The following DCAF6 variants were observed in gnomAD, a reference collection of about 807,000 sequenced individuals.
The protein encoded by DCAF6 is DDB1- and CUL4-associated factor 6.
In DCAF6, 54 loss-of-function variants were observed where a neutral mutation model predicts 125.1. The observed-to-expected ratio is 0.43, with a 90% CI of 0.35 to 0.54. DCAF6 has a LOEUF of 0.54. Among genes scored for constraint, DCAF6 ranks in the 20% least tolerant of loss-of-function variants. DCAF6 has a pLI of 0.01. For missense variants in DCAF6, 934 were observed against 1,161.7 expected (o/e 0.80, Z 2.85); for synonymous variants, 371 against 390.4 (o/e 0.95, Z 0.58).
chr1:168,004,320 T>C (rs1372139315), intron 9 of DCAF6, among the ~76,000 whole-genome samples: 1 of 152,186 alleles, frequency 6.6e-6, no homozygotes, highest in Non-Finnish European at 1.5e-5. Flanking sequence ...ATAGGAAAGA[T>C]TGATTGCTTT....
At chr1:167,946,502 A>G (rs1673110748) in intron 1 of DCAF6, among the ~76,000 whole-genome samples, 1 of 152,140 alleles carries the variant, frequency 6.6e-6, no homozygotes, top group South Asian at 2.1e-4. Context: ...TGTTAGTTAC[A>G]GGTTTATCAT....
the DCAF6 span, among the ~76,000 whole-genome samples, chr1:167,924,145 G>A: frequency 6.6e-6 from 1 of 152,094 alleles, no homozygotes; most frequent in Admixed American, 6.6e-5. Context: ...AGTACCTTCA[G>A]TTCTCATACT....
chr1:167,874,051 G>T, the DCAF6 span, among the ~76,000 whole-genome samples: 1 of 152,188 alleles, frequency 6.6e-6, no homozygotes, highest in Non-Finnish European at 1.5e-5. Flanking sequence ...AAATGTCTGG[G>T]CTGGGCACAG....
chr1:167,880,291 G>T, the DCAF6 span: 1 of 1,182,848 alleles, frequency 8.5e-7, no homozygotes, highest in Non-Finnish European at 1.2e-6. Context: ...GGGAAAGGGT[G>T]GGAAAGGATT....
intron 17 of DCAF6, chr1:168,056,131 C>T: frequency 6.3e-7 from 1 of 1,595,928 alleles, no homozygotes; most frequent in Non-Finnish European, 8.6e-7. Context: ...CCAAACTCAT[C>T]TTGTTTGTTC....
At chr1:168,062,673 TA>T (rs1000000072) in intron 17 of DCAF6, among the ~76,000 whole-genome samples, 13 of 151,894 alleles carry the variant, frequency 8.6e-5, no homozygotes, top group Non-Finnish European at 1.6e-4. Flanking sequence ...TATGTCAAAA[TA>T]TAATATTTTA....
intron 2 of DCAF6, among the ~76,000 whole-genome samples, chr1:167,956,640 G>C (rs1318944250): frequency 6.6e-6 from 1 of 152,018 alleles, no homozygotes; most frequent in Non-Finnish European, 1.5e-5. Flanking sequence ...TTTTTTGAGT[G>C]GAAGCTGAGG....
intron 10 of DCAF6, among the ~76,000 whole-genome samples, chr1:168,015,469 A>G (rs994187742): frequency 1.9e-4 from 29 of 150,456 alleles, no homozygotes; most frequent in African/African-American, 6.6e-4. Context: ...TCCTAGTATC[A>G]TTTTGTTCTA....
chr1:168,019,636 C>A, intron 11 of DCAF6: 1 of 358,710 alleles, frequency 2.8e-6, no homozygotes, highest in Non-Finnish European at 5.9e-6. Context: ...CAGAGCCCCA[C>A]TGGAGCATGG....
the DCAF6 span, chr1:167,901,923 C>G: frequency 1.9e-6 from 3 of 1,605,640 alleles, no homozygotes; most frequent in East Asian, 6.7e-5. Context: ...CTGGCCACTC[C>G]CTTCTCTAGG....
upstream of DCAF6, chr1:167,936,682 T>C (rs1322821493): frequency 4.1e-6 from 2 of 491,088 alleles, no homozygotes; most frequent in Admixed American, 7.8e-5. Context: ...TGCTGATCTT[T>C]GGATGTTCTG....
At chr1:168,072,026 G>T (rs1282557977) in intron 21 of DCAF6, among the ~76,000 whole-genome samples, 1 of 151,664 alleles carries the variant, frequency 6.6e-6, no homozygotes, top group Non-Finnish European at 1.5e-5. Context: ...CTGGTAGTGC[G>T]GTGGCTCATG....
At chr1:168,039,661 ATAAT>A (rs1236988669) in intron 13 of DCAF6, among the ~76,000 whole-genome samples, 2 of 147,540 alleles carry the variant, frequency 1.4e-5, no homozygotes, top group Non-Finnish European at 3.0e-5. Flanking sequence ...TTAATTATTC[ATAAT>A]TAATATATTA....
At position 168,063,671 on chromosome 1, in the gene DCAF6, G is replaced by A; in HGVS notation, c.2351G>A (p.Arg784Lys). The change falls in exon 18 of 22, where the codon AGG becomes AAG. Residue 784 changes from arginine (R) to lysine (K), a missense_variant. Arg to Lys is a conservative substitution (Grantham distance 26). Transcript: ENST00000367840. ...GAGTTCTTCAGACGGAGAAAAGAAA[G>A]GAAAGAAATGGAAGAATTGGATACT... ...IQEFFRRRKE[R>K]KEMEELDTLN... 6.2e-7 allele frequency: 1 copy of A among 1,603,100 alleles called. No individual in the cohort carries two copies. The highest frequency in any genetic ancestry group is 8.5e-7 in the Non-Finnish European group (1 of 1,175,652).
the DCAF6 span, among the ~76,000 whole-genome samples, chr1:167,925,470 T>TAC: frequency 1.4e-4 from 15 of 107,770 alleles, no homozygotes; most frequent in East Asian, 2.2e-3. Flanking sequence ...TATATATATA[T>TAC]ATATACATAT....
chr1:167,929,180 G>A, the DCAF6 span, among the ~76,000 whole-genome samples: 3 of 151,600 alleles, frequency 2.0e-5, no homozygotes, highest in Non-Finnish European at 4.4e-5. Context: ...CCAACATGGA[G>A]AAACCCCATC....
intron 3 of DCAF6, among the ~76,000 whole-genome samples, chr1:167,970,166 A>G (rs1004435533): frequency 4.6e-5 from 7 of 152,220 alleles, no homozygotes; most frequent in South Asian, 2.1e-4. Context: ...TAACTCTTAC[A>G]TTATACAAAA....
the DCAF6 span, among the ~76,000 whole-genome samples, chr1:167,869,631 G>T: frequency 3.3e-5 from 5 of 152,140 alleles, no homozygotes; most frequent in African/African-American, 1.2e-4. Context: ...CACATTGTAT[G>T]GAAGGACATT....
upstream of DCAF6, among the ~76,000 whole-genome samples, chr1:167,934,904 A>C (rs543696301): frequency 1.6e-4 from 24 of 152,310 alleles, 1 homozygote; most frequent in South Asian, 5.0e-3. Context: ...ATCTTTAATA[A>C]AGGGATTGGA....
Sources: gnomAD v4.1 joint callset for allele counts (sites outside exome capture counted in the v4.1 genomes callset) on GRCh38, gnomAD v4.1.1 for gene constraint, MANE v1.5 for transcripts, NCBI Gene and HGNC (gene_info 2026-07-23, HGNC 2026-07-21) for gene names.